C1orf87: variants seen among roughly 807,000 people sequenced by gnomAD.
The protein encoded by C1orf87 is chromosome 1 open reading frame 87.
Under a neutral mutation model 60.5 loss-of-function variants are expected in C1orf87, and 58 were observed. That is an observed-to-expected ratio of 0.96 (90% CI 0.78 to 1.19). The LOEUF (loss-of-function observed/expected upper bound fraction) is 1.19, where lower values mean the gene tolerates loss of function less well. Among genes scored for constraint, C1orf87 ranks in the 50% most tolerant of loss-of-function variants. C1orf87 has a pLI of 0.00. For synonymous variants in C1orf87, 236 were observed against 227.4 expected (o/e 1.04, Z -0.34); for missense variants, 673 against 638.6 (o/e 1.05, Z -0.58).
intron 3 of C1orf87, among the ~76,000 whole-genome samples, chr1:60,043,845 T>G (rs113008614): frequency 1.3e-3 from 195 of 152,344 alleles, no homozygotes; most frequent in African/African-American, 4.5e-3. Flanking sequence ...AGAAATGTTA[T>G]CAATACTTTA....
chr1:60,022,833 T>C (rs575898832), intron 8 of C1orf87, among the ~76,000 whole-genome samples: 4 of 151,788 alleles, frequency 2.6e-5, no homozygotes, highest in Admixed American at 6.5e-5. Flanking sequence ...TGACAGTCAA[T>C]CTGATAACCA....
intron 3 of C1orf87, among the ~76,000 whole-genome samples, chr1:60,051,046 G>A (rs1480507931): frequency 6.6e-6 from 1 of 152,130 alleles, no homozygotes; most frequent in South Asian, 2.1e-4. Flanking sequence ...AAATAAAGAT[G>A]GAGGGAAGAG....
intron 8 of C1orf87, among the ~76,000 whole-genome samples, chr1:60,013,897 T>G (rs984595982): frequency 2.6e-5 from 4 of 152,130 alleles, no homozygotes; most frequent in African/African-American, 4.8e-5. Flanking sequence ...TCTCACCACA[T>G]TTGTTGTATA....
At chr1:59,999,865 A>G (rs1053339265) in intron 10 of C1orf87, among the ~76,000 whole-genome samples, 2 of 152,098 alleles carry the variant, frequency 1.3e-5, no homozygotes, top group African/African-American at 2.4e-5. Context: ...TTCTTGCCAT[A>G]TATGCCTTGA....
intron 2 of C1orf87, among the ~76,000 whole-genome samples, chr1:60,060,912 A>C (rs1295113495): frequency 6.6e-6 from 1 of 152,170 alleles, no homozygotes; most frequent in Non-Finnish European, 1.5e-5. Context: ...AATGGCTTGA[A>C]ATGTAATGTC....
At chr1:60,044,233 T>C (rs1234953081) in intron 3 of C1orf87, among the ~76,000 whole-genome samples, 2 of 151,964 alleles carry the variant, frequency 1.3e-5, no homozygotes, top group Non-Finnish European at 2.9e-5. Flanking sequence ...GGTTTCACCG[T>C]GTTAGCCAGG....
chr1:60,011,444 C>G (rs958981695), intron 8 of C1orf87, among the ~76,000 whole-genome samples: 15 of 151,752 alleles, frequency 9.9e-5, no homozygotes, highest in Admixed American at 8.6e-4. Context: ...TTCTTCCCTC[C>G]CTCACTTCTT....
At chr1:60,004,288 A>G (rs1011796311) in intron 9 of C1orf87, among the ~76,000 whole-genome samples, 7 of 152,040 alleles carry the variant, frequency 4.6e-5, no homozygotes, top group Non-Finnish European at 8.8e-5. Flanking sequence ...TGTGGGGATT[A>G]AAGAAAAAAA....
intron 8 of C1orf87, among the ~76,000 whole-genome samples, chr1:60,016,785 C>T (rs1015301757): frequency 6.6e-6 from 1 of 152,136 alleles, no homozygotes; most frequent in Admixed American, 6.5e-5. Flanking sequence ...TAAATGTTTC[C>T]CTCTTTGGTA....
intron 2 of C1orf87, among the ~76,000 whole-genome samples, chr1:60,056,382 T>C (rs1261465512): frequency 6.6e-6 from 1 of 152,124 alleles, no homozygotes; most frequent in Non-Finnish European, 1.5e-5. Flanking sequence ...TCTGACATTG[T>C]AGAACAATGT....
intron 11 of C1orf87, among the ~76,000 whole-genome samples, chr1:59,993,585 G>T (rs1429673079): frequency 1.3e-5 from 2 of 151,958 alleles, no homozygotes; most frequent in Admixed American, 6.6e-5. Flanking sequence ...ATTGATAGAA[G>T]ATGCCTAGAG....
At position 60,040,045 on chromosome 1, in the gene C1orf87, G is replaced by C. The variant is rs747202320; in HGVS notation, c.619C>G (p.Pro207Ala). Residue 207 changes from proline (P) to alanine (A), a missense_variant, in exon 5 of 12, where the codon CCA (proline) becomes GCA (alanine). Transcript: ENST00000371201. ...KLQKELKILD[P>A]ISSGFLLQSQ... ...TGGAGAAGAAATCCTGAAGAGATTG[G>C]GTCCAGGATCTTCAGCTCTTTCTGA... The C allele has an allele frequency of 3.7e-6, 6 of 1,614,060 alleles. No homozygotes were observed. The East Asian group carries it at 1.3e-4, about 36-fold the overall frequency.
chr1:60,021,166 G>C (rs1313485356), intron 8 of C1orf87, among the ~76,000 whole-genome samples: 1 of 152,150 alleles, frequency 6.6e-6, no homozygotes, highest in Non-Finnish European at 1.5e-5. Flanking sequence ...CTACAGAACT[G>C]TGAGTCAATT....
intron 7 of C1orf87, among the ~76,000 whole-genome samples, chr1:60,027,672 G>A (rs1001640477): frequency 1.3e-5 from 2 of 152,034 alleles, no homozygotes; most frequent in African/African-American, 2.4e-5. Context: ...TTTGAAACTT[G>A]CATGTTCCTG....
In C1orf87 at chr1:60,001,144, T is replaced by C. The variant is rs765815835; in HGVS notation, c.1205A>G (p.Lys402Arg). 1.3e-6 allele frequency: 2 copies of C among 1,574,768 alleles called. No homozygotes were observed. Among genetic ancestry groups the C allele is most frequent in the East Asian group, 2.3e-5 (1 of 43,494 alleles). ...LSDLPTGKNE[K>R]KAPAPPMEPE... is the part of the protein sequence containing the mutation. ...CTCCATTGGAGGGGCAGGGGCTTTC[T>C]TTTCATTCTTCCCTGAACAAGAATA... Residue 402 changes from lysine to arginine, a missense_variant, in exon 10 of 12, where the codon AAG becomes AGG. Lys to Arg is a conservative substitution (Grantham distance 26, BLOSUM62 2). Transcript: ENST00000371201.
chr1:60,008,749 A>T (rs1409156074), intron 9 of C1orf87: 2 of 451,262 alleles, frequency 4.4e-6, no homozygotes, highest in Admixed American at 2.4e-5. Context: ...CATCACTTCA[A>T]TGGTCTCCTC....
intron 9 of C1orf87, among the ~76,000 whole-genome samples, chr1:60,002,251 T>A (rs1352484693): frequency 6.6e-6 from 1 of 152,114 alleles, no homozygotes; most frequent in Admixed American, 6.5e-5. Context: ...TTGGCATTGA[T>A]TCCTGGCTTT....
chr1:60,037,463 C>G (rs1168247751), intron 6 of C1orf87, among the ~76,000 whole-genome samples: 2 of 152,136 alleles, frequency 1.3e-5, no homozygotes, highest in Non-Finnish European at 2.9e-5. Context: ...CTTGAAAGGG[C>G]CTTCTTGCTG....
chr1:60,063,333 G>C (rs992767592), intron 2 of C1orf87, among the ~76,000 whole-genome samples: 1 of 152,058 alleles, frequency 6.6e-6, no homozygotes, highest in Non-Finnish European at 1.5e-5. Flanking sequence ...ATTGTTCAGT[G>C]CTTCCATCTC....
Sources: gnomAD v4.1 joint callset for allele counts (sites outside exome capture counted in the v4.1 genomes callset) on GRCh38, gnomAD v4.1.1 for gene constraint, MANE v1.5 for transcripts, NCBI Gene and HGNC (gene_info 2026-07-23, HGNC 2026-07-21) for gene names.